Variants in ROBO1 observed in about 807,000 individuals in gnomAD.
The protein encoded by ROBO1 is roundabout homolog 1.
In ROBO1, 149 loss-of-function variants were observed where a neutral mutation model predicts 195.9. That is an observed-to-expected ratio of 0.76 (90% CI 0.67 to 0.87). ROBO1 has a LOEUF of 0.87. Among genes scored for constraint, ROBO1 ranks in the 40% least tolerant of loss-of-function variants. ROBO1 has a pLI of 0.00. For missense variants in ROBO1, 1,933 were observed against 2,068.3 expected (o/e 0.93, Z 1.27); for synonymous variants, 816 against 733.2 (o/e 1.11, Z -1.82).
In ROBO1 at chr3:79,221,168, GGCAGA is replaced by G. The variant is rs1371350360; in HGVS notation, c.89-95634_89-95630del. On this transcript the variant is annotated intron_variant, in intron 2 of 30. Coordinates refer to ENST00000464233, the MANE Select transcript of ROBO1 (RefSeq NM_002941.4). The stretch of plus-strand genomic sequence containing the variant: ...TATGGAAGGCAGGCTTTCTTTTTCA[GGCAGA>G]GCAAATAGTAATGTCCTACAGACAA... Among the ~76,000 whole-genome samples the G allele has an allele frequency of 5.9e-5, 9 of 152,118 alleles. No homozygotes were observed. In the East Asian group the frequency reaches 1.2e-3, roughly 20 times the overall value.
intron 4 of ROBO1, among the ~76,000 whole-genome samples, chr3:78,858,505 T>C (rs2034588336): frequency 6.8e-6 from 1 of 146,216 alleles, no homozygotes; most frequent in Non-Finnish European, 1.5e-5. Flanking sequence ...TAGGTGGATG[T>C]ATCACTTGAA....
intron 1 of ROBO1, among the ~76,000 whole-genome samples, chr3:79,602,968 T>A (rs2107874998): frequency 6.6e-6 from 1 of 152,118 alleles, no homozygotes; most frequent in African/African-American, 2.4e-5. Flanking sequence ...CATAAATACA[T>A]AACTATTCAT....
intron 1 of ROBO1, among the ~76,000 whole-genome samples, chr3:79,591,810 C>A (rs894636419): frequency 6.6e-6 from 1 of 151,572 alleles, no homozygotes; most frequent in Non-Finnish European, 1.5e-5. Context: ...GCTTGGCTGG[C>A]TTTTGATATA....
At chr3:78,713,725 C>T (rs1174355580) in intron 8 of ROBO1, among the ~76,000 whole-genome samples, 5 of 152,128 alleles carry the variant, frequency 3.3e-5, no homozygotes, top group South Asian at 2.1e-4. Flanking sequence ...CAGCTTAAGA[C>T]GTGACTTTGA....
intron 2 of ROBO1, among the ~76,000 whole-genome samples, chr3:79,359,375 A>C (rs1231185165): frequency 6.6e-6 from 1 of 152,056 alleles, no homozygotes; most frequent in African/African-American, 2.4e-5. Context: ...AAACATTATG[A>C]AATACATTTT....
chr3:79,002,601 A>C (rs763098720), intron 3 of ROBO1, among the ~76,000 whole-genome samples: 1 of 152,258 alleles, frequency 6.6e-6, no homozygotes, highest in East Asian at 1.9e-4. Context: ...TAAATGAATG[A>C]ATGACTCTAG....
chr3:79,095,819 C>T (rs1251971353), intron 3 of ROBO1, among the ~76,000 whole-genome samples: 3 of 151,928 alleles, frequency 2.0e-5, no homozygotes, highest in Non-Finnish European at 4.4e-5. Context: ...AAAAATACCA[C>T]ATTTTTTCAC....
intron 4 of ROBO1, among the ~76,000 whole-genome samples, chr3:78,858,886 T>C (rs988013756): frequency 6.6e-6 from 1 of 152,102 alleles, no homozygotes; most frequent in Non-Finnish European, 1.5e-5. Flanking sequence ...TAGCCAAATC[T>C]AGATGTCAGG....
At chr3:79,061,559 A>G (rs1419536383) in intron 3 of ROBO1, among the ~76,000 whole-genome samples, 1 of 152,196 alleles carries the variant, frequency 6.6e-6, no homozygotes, top group African/African-American at 2.4e-5. Flanking sequence ...TCCTAAGCAA[A>G]AAGAACAAAG....
chr3:79,724,865 C>A (rs901211718), intron 1 of ROBO1, among the ~76,000 whole-genome samples: 2 of 152,162 alleles, frequency 1.3e-5, no homozygotes, highest in African/African-American at 4.8e-5. Context: ...TTTACTTGAT[C>A]AATTTCTGCT....
chr3:79,599,881 T>C (rs371979924), intron 1 of ROBO1, among the ~76,000 whole-genome samples: 3 of 151,996 alleles, frequency 2.0e-5, no homozygotes, highest in East Asian at 3.9e-4. Flanking sequence ...TAATAAAATA[T>C]AGTCTATCCA....
At chr3:79,232,247 T>TAA (rs71649197) in intron 2 of ROBO1, among the ~76,000 whole-genome samples, 7 of 133,684 alleles carry the variant, frequency 5.2e-5, no homozygotes, top group African/African-American at 2.0e-4. Flanking sequence ...CTCCTTGATT[T>TAA]AAAAAAAAAA....
chr3:79,343,781 T>C lies in ROBO1; in HGVS notation c.89-218242A>G, dbSNP rs576382607. ...ACAAAGATGTAGAAAAGAATCTGAG[T>C]GTCCTTTGAGCAAAGTCTGGGAAGA... is the stretch of plus-strand genomic sequence containing the variant. On this transcript the variant is annotated intron_variant, in intron 2 of 30. Transcript: ENST00000464233. Among the ~76,000 whole-genome samples the C allele has an allele frequency of 4.6e-5, 7 of 152,256 alleles. No homozygotes were observed. The South Asian group carries it at 1.2e-3, about 27-fold the overall frequency.
intron 1 of ROBO1, among the ~76,000 whole-genome samples, chr3:79,600,466 G>T (rs1944307038): frequency 6.6e-6 from 1 of 151,854 alleles, no homozygotes; most frequent in African/African-American, 2.4e-5. Flanking sequence ...GGGAGTGAGA[G>T]AAAATTAGAG....
intron 3 of ROBO1, among the ~76,000 whole-genome samples, chr3:78,982,023 A>G (rs1456652190): frequency 6.6e-5 from 10 of 152,190 alleles, no homozygotes; most frequent in African/African-American, 2.4e-4. Flanking sequence ...TACTGAGGGC[A>G]GCTCCCAGAG....
intron 2 of ROBO1, among the ~76,000 whole-genome samples, chr3:79,531,471 C>G (rs1941659381): frequency 6.6e-6 from 1 of 151,834 alleles, no homozygotes; most frequent in Admixed American, 6.6e-5. Context: ...AAAATACAAA[C>G]AATTAACCAG....
At chr3:79,573,093 A>C (rs1382733480) in intron 2 of ROBO1, among the ~76,000 whole-genome samples, 1 of 152,196 alleles carries the variant, frequency 6.6e-6, no homozygotes, top group Non-Finnish European at 1.5e-5. Context: ...TCTGCCATGC[A>C]AGCTGGAGTG....
intron 4 of ROBO1, among the ~76,000 whole-genome samples, chr3:78,912,985 G>T (rs181441503): frequency 6.6e-6 from 1 of 152,212 alleles, no homozygotes; most frequent in East Asian, 1.9e-4. Flanking sequence ...GCACTCAACA[G>T]AAATAGTATA....
chr3:78,782,568 C>T (rs763219775), intron 4 of ROBO1, among the ~76,000 whole-genome samples: 1 of 152,124 alleles, frequency 6.6e-6, no homozygotes, highest in Non-Finnish European at 1.5e-5. Flanking sequence ...CCTTAGTTCT[C>T]CCCAGTCCAT....
Sources: allele counts gnomAD v4.1 joint callset (sites outside exome capture counted in the v4.1 genomes callset), GRCh38; gene constraint gnomAD v4.1.1; transcripts MANE v1.5; gene names NCBI Gene and HGNC (gene_info 2026-07-23, HGNC 2026-07-21).